Variants in RSU1 observed in about 807,000 individuals in gnomAD.
RSU1 encodes Ras suppressor protein 1.
RSU1 carries 26 observed loss-of-function variants against 31.1 expected under a neutral mutation model. That is an observed-to-expected ratio of 0.84 (90% CI 0.61 to 1.16). RSU1 has a LOEUF of 1.16. Among genes scored for constraint, RSU1 ranks in the 50% most tolerant of loss-of-function variants. The probability of loss-of-function intolerance (pLI) is 0.00; values close to 1 mark genes in which losing one functional copy is unlikely to be tolerated. For synonymous variants in RSU1, 164 were observed against 136.3 expected, an observed-to-expected ratio of 1.20 and a Z score of -1.41; for missense variants, 320 against 339.1, an observed-to-expected ratio of 0.94 and a Z score of 0.44.
chr10:16,723,197 C>T (rs1399897585), intron 7 of RSU1: 1 of 151,980 alleles, frequency 6.6e-6, no homozygotes, highest in Non-Finnish European at 1.5e-5. Flanking sequence ...CTGTGGGTAC[C>T]ATTTTGGTGA....
chr10:16,591,165 G>A lies in RSU1; in HGVS notation c.*2229C>T, dbSNP rs1299278247. Reference sequence around the variant, plus strand: ...GAGCTCAGGCAATCTTCCCACCTTGGCCTCCCAAAGTGTTAGGATTACAGG... The same window carrying A: ...GAGCTCAGGCAATCTTCCCACCTTGACCTCCCAAAGTGTTAGGATTACAGG... On this transcript the variant is annotated 3_prime_UTR_variant, in exon 9 of 9. Transcript: ENST00000345264. 1 of 152,178 alleles carries A rather than the reference G, an allele frequency of 6.6e-6. No individual in the cohort carries two copies. The highest frequency in any genetic ancestry group is 1.9e-4 in the East Asian group (1 of 5,196). The allele number at this position is 152,178 out of a possible 1,614,324, so 9.4% of individuals were successfully genotyped here. A position where few individuals can be genotyped will look rare whatever the true frequency, so the allele number is the denominator to read the frequency against.
chr10:16,801,812 A>T (rs1206847025), intron 2 of RSU1, among the ~76,000 whole-genome samples: 11 of 152,288 alleles, frequency 7.2e-5, no homozygotes, highest in East Asian at 3.9e-4. Flanking sequence ...AAAAATTTTT[A>T]AAAATATTTT....
chr10:16,736,271 G>C (rs565237859), intron 7 of RSU1, among the ~76,000 whole-genome samples: 126 of 152,260 alleles, frequency 8.3e-4, no homozygotes, highest in African/African-American at 2.8e-3. Flanking sequence ...CTACAAGGAA[G>C]ATATAACTAC....
chr10:16,786,752 G>C (rs1191766154), intron 2 of RSU1, among the ~76,000 whole-genome samples: 1 of 152,094 alleles, frequency 6.6e-6, no homozygotes, highest in Non-Finnish European at 1.5e-5. Flanking sequence ...CTAACGACGA[G>C]AACTCCGCTT....
At chr10:16,641,206 A>T (rs1834436011) in intron 8 of RSU1, among the ~76,000 whole-genome samples, 1 of 152,228 alleles carries the variant, frequency 6.6e-6, no homozygotes, top group African/African-American at 2.4e-5. Flanking sequence ...AAATGGAATC[A>T]CCTGACAACA....
intron 2 of RSU1, among the ~76,000 whole-genome samples, chr10:16,782,911 C>CAA (rs751500679): frequency 9.5e-5 from 14 of 146,930 alleles, no homozygotes; most frequent in African/African-American, 3.2e-4. Flanking sequence ...TAAATTTTTC[C>CAA]TATTTTTTTT....
chr10:16,808,485 GAAAAAAAAAAA>G (rs34449677), intron 2 of RSU1, among the ~76,000 whole-genome samples: 1 of 89,616 alleles, frequency 1.1e-5, no homozygotes, highest in Admixed American at 1.2e-4. Flanking sequence ...CTCCATTTAA[GAAAAAAAAAAA>G]AAAAAAAAAA....
At chr10:16,810,207 G>C (rs551715274) in intron 2 of RSU1, among the ~76,000 whole-genome samples, 34 of 151,844 alleles carry the variant, frequency 2.2e-4, no homozygotes, top group Non-Finnish European at 3.8e-4. Context: ...CTCCAGCCTG[G>C]GCAACAGAGT....
At chr10:16,808,616 G>C (rs544903656) in intron 2 of RSU1, among the ~76,000 whole-genome samples, 12 of 151,918 alleles carry the variant, frequency 7.9e-5, no homozygotes, top group African/African-American at 2.9e-4. Context: ...GTGAACCAAA[G>C]AGGGATGTTA....
At chr10:16,815,027 T>C (rs1428748636) in intron 2 of RSU1, among the ~76,000 whole-genome samples, 1 of 152,272 alleles carries the variant, frequency 6.6e-6, no homozygotes, top group East Asian at 1.9e-4. Flanking sequence ...AGGAAGGCCA[T>C]GGGGCCAAGG....
chr10:16,641,861 A>G (rs1441162594), intron 8 of RSU1, among the ~76,000 whole-genome samples: 1 of 152,200 alleles, frequency 6.6e-6, no homozygotes, highest in African/African-American at 2.4e-5. Context: ...GGCTCTGAGC[A>G]GGGTAAGGCA....
At position 16,793,172 on chromosome 10, in the gene RSU1, G is replaced by A. The variant is rs556910660; in HGVS notation, c.110-11088C>T. Among the ~76,000 whole-genome samples the A allele has an allele frequency of 2.6e-5, 4 of 152,034 alleles. No homozygotes were observed. In the South Asian group the frequency reaches 8.3e-4, roughly 32 times the overall value. ...GTAAAACTTTTAAAATATCACGGTG[G>A]GATGAAAGCTTTTCCTTATTTCACA... On this transcript the variant is annotated intron_variant, in intron 2 of 8. Transcript: ENST00000345264.
intron 8 of RSU1, among the ~76,000 whole-genome samples, chr10:16,656,804 T>C (rs982594216): frequency 6.6e-6 from 1 of 152,210 alleles, no homozygotes; most frequent in Non-Finnish European, 1.5e-5. Flanking sequence ...TATTCAGGGT[T>C]TTTAAGAAAA....
At chr10:16,773,203 A>T (rs1180417811) in intron 3 of RSU1, among the ~76,000 whole-genome samples, 4 of 150,596 alleles carry the variant, frequency 2.7e-5, no homozygotes, top group Non-Finnish European at 5.9e-5. Flanking sequence ...TGTCTCAAAA[A>T]AAAAGAAAAA....
chr10:16,766,203 G>A (rs1004988939), intron 3 of RSU1, among the ~76,000 whole-genome samples: 15 of 152,212 alleles, frequency 9.9e-5, no homozygotes, highest in Admixed American at 2.6e-4. Context: ...GCCCCTGCGC[G>A]AGCTCCGGAA....
At chr10:16,625,644 A>G (rs1834144318) in intron 8 of RSU1, among the ~76,000 whole-genome samples, 1 of 152,206 alleles carries the variant, frequency 6.6e-6, no homozygotes, top group African/African-American at 2.4e-5. Context: ...TGTCAGTCTC[A>G]AAAATGTCTT....
chr10:16,599,826 C>A (rs12263144), intron 8 of RSU1, among the ~76,000 whole-genome samples: 9,534 of 152,228 alleles, frequency 0.063, 787 homozygotes, highest in African/African-American at 0.19. Flanking sequence ...CAGCCTGTGC[C>A]TTTGGTGTAG....
At chr10:16,763,049 T>C (rs903533916) in intron 4 of RSU1, among the ~76,000 whole-genome samples, 1 of 151,840 alleles carries the variant, frequency 6.6e-6, no homozygotes, top group Non-Finnish European at 1.5e-5. Flanking sequence ...CCAGCATCTA[T>C]TGCCACTCCA....
chr10:16,678,285 C>A (rs942268594), intron 8 of RSU1, among the ~76,000 whole-genome samples: 1 of 152,142 alleles, frequency 6.6e-6, no homozygotes, highest in Non-Finnish European at 1.5e-5. Flanking sequence ...AACAGACTGC[C>A]ACAGATTCTT....
Sources: gnomAD v4.1 joint callset for allele counts (sites outside exome capture counted in the v4.1 genomes callset) on GRCh38, gnomAD v4.1.1 for gene constraint, MANE v1.5 for transcripts, NCBI Gene and HGNC (gene_info 2026-07-23, HGNC 2026-07-21) for gene names.